The following NCOA1 variants were observed in gnomAD, a reference collection of about 807,000 sequenced individuals.
NCOA1 encodes nuclear receptor coactivator 1.
NCOA1 carries 35 observed loss-of-function variants against 150.9 expected under a neutral mutation model. The observed-to-expected ratio is 0.23, with a 90% CI of 0.18 to 0.31. NCOA1 has a LOEUF of 0.31. Ranked by LOEUF, NCOA1 falls within the 10% of genes least tolerant of loss-of-function variation. The pLI is 1.00. For synonymous variants in NCOA1, 590 were observed against 630.0 expected (o/e 0.94, Z 0.95); for missense variants, 1,491 against 1,749.3 (o/e 0.85, Z 2.63).
intron 7 of NCOA1, among the ~76,000 whole-genome samples, chr2:24,676,636 C>T (rs1351473618): frequency 1.3e-5 from 2 of 152,104 alleles, no homozygotes; most frequent in African/African-American, 2.4e-5. Flanking sequence ...TGAAATGACT[C>T]AAATGACAGA....
intron 3 of NCOA1, among the ~76,000 whole-genome samples, chr2:24,629,813 C>CATGCATAT (rs1396224101): frequency 4.3e-4 from 33 of 77,340 alleles, no homozygotes; most frequent in Middle Eastern, 9.4e-3. Context: ...AAGTAACATA[C>CATGCATAT]ATACATATAT....
chr2:24,681,904 C>CG (rs1282271068), intron 7 of NCOA1, among the ~76,000 whole-genome samples: 2 of 151,978 alleles, frequency 1.3e-5, no homozygotes, highest in African/African-American at 4.8e-5. Flanking sequence ...TTAGTAGAGA[C>CG]GGGGTTTCAC....
intron 1 of NCOA1, among the ~76,000 whole-genome samples, chr2:24,499,186 A>G (rs375915661): frequency 2.6e-5 from 4 of 152,240 alleles, no homozygotes; most frequent in African/African-American, 9.6e-5. Context: ...TGATGTTTCT[A>G]TACTCCCTTT....
At chr2:24,585,763 A>C (rs1173605382) in intron 3 of NCOA1, among the ~76,000 whole-genome samples, 4 of 152,102 alleles carry the variant, frequency 2.6e-5, no homozygotes, top group Non-Finnish European at 5.9e-5. Context: ...ATATACACGT[A>C]TATTTCTTTG....
At chr2:24,675,029 C>T (rs901092645) in intron 7 of NCOA1, among the ~76,000 whole-genome samples, 5 of 152,178 alleles carry the variant, frequency 3.3e-5, no homozygotes, top group Non-Finnish European at 7.3e-5. Context: ...TTTCTCTACC[C>T]CTCTGGTTAC....
chr2:24,589,122 A>G (rs895829106), intron 3 of NCOA1, among the ~76,000 whole-genome samples: 2 of 152,046 alleles, frequency 1.3e-5, no homozygotes, highest in Non-Finnish European at 2.9e-5. Context: ...GGCTTGTGTG[A>G]CCTTGTAGTG....
intron 3 of NCOA1, among the ~76,000 whole-genome samples, chr2:24,585,953 A>T (rs372938010): frequency 2.0e-5 from 3 of 152,216 alleles, no homozygotes; most frequent in Admixed American, 6.5e-5. Context: ...CATATGAAGG[A>T]TTTTTAATTA....
chr2:24,751,579 T>C (rs1664243532), intron 19 of NCOA1, among the ~76,000 whole-genome samples: 1 of 146,890 alleles, frequency 6.8e-6, no homozygotes, highest in African/African-American at 2.6e-5. Flanking sequence ...CAAGACTCCA[T>C]CTCGGGGGAA....
intron 3 of NCOA1, among the ~76,000 whole-genome samples, chr2:24,612,751 C>G (rs1353117863): frequency 1.3e-5 from 2 of 152,074 alleles, no homozygotes; most frequent in Non-Finnish European, 2.9e-5. Context: ...TGATTGACTT[C>G]TTTTTAAAGT....
chr2:24,587,218 C>T (rs1446443498), intron 3 of NCOA1, among the ~76,000 whole-genome samples: 2 of 152,058 alleles, frequency 1.3e-5, no homozygotes, highest in Admixed American at 6.6e-5. Flanking sequence ...GGAGTTTTGC[C>T]ATGTGTGTCT....
chr2:24,706,463 G>A (rs1673435668), intron 12 of NCOA1, 105 bp from the exon 13 acceptor site: 1 of 1,262,922 alleles, frequency 7.9e-7, no homozygotes. Context: ...TTGATAGCTT[G>A]CAATATTAAT....
intron 3 of NCOA1, among the ~76,000 whole-genome samples, chr2:24,604,962 G>T (rs1191381136): frequency 6.6e-6 from 1 of 152,126 alleles, no homozygotes; most frequent in African/African-American, 2.4e-5. Flanking sequence ...AAAGGCTATT[G>T]TAGGGTTATT....
intron 8 of NCOA1, 33 bp downstream of exon 8, chr2:24,683,161 A>G: frequency 7.1e-7 from 1 of 1,407,260 alleles, no homozygotes. Flanking sequence ...AAAGAATACT[A>G]GCTCTCTGTA....
intron 3 of NCOA1, among the ~76,000 whole-genome samples, chr2:24,625,364 C>CAA (rs35143423): frequency 3.2e-3 from 260 of 82,112 alleles, no homozygotes; most frequent in East Asian, 7.5e-3. Context: ...GACTCTGCCT[C>CAA]AAAAAAAAAA....
chr2:24,657,056 A>C (rs962118609), intron 4 of NCOA1, among the ~76,000 whole-genome samples: 1 of 152,220 alleles, frequency 6.6e-6, no homozygotes, highest in Admixed American at 6.5e-5. Context: ...GCTCTTTTCC[A>C]AATGGCTACG....
intron 2 of NCOA1, among the ~76,000 whole-genome samples, chr2:24,568,254 C>T (rs575561766): frequency 7.9e-5 from 12 of 152,072 alleles, no homozygotes; most frequent in African/African-American, 2.9e-4. Context: ...ATACTTGAGA[C>T]GGGAAGTTAA....
chr2:24,680,921 TC>T (rs778910181), intron 7 of NCOA1, among the ~76,000 whole-genome samples: 20 of 152,124 alleles, frequency 1.3e-4, no homozygotes, highest in Non-Finnish European at 1.2e-4. Context: ...GAAAAGTATA[TC>T]ATTGGATGTG....
At chr2:24,589,543 C>A (rs1008647247) in intron 3 of NCOA1, among the ~76,000 whole-genome samples, 1 of 152,108 alleles carries the variant, frequency 6.6e-6, no homozygotes, top group Non-Finnish European at 1.5e-5. Context: ...CATTCCTTCT[C>A]AATCTTCCTG....
In NCOA1 at chr2:24,549,590, A is replaced by G. The variant is rs1665742922; in HGVS notation, c.-395-14705A>G. 2.0e-5 allele frequency among the ~76,000 whole-genome samples: 3 copies of G among 152,106 alleles called. No individual in the cohort carries two copies. The South Asian group carries it at 6.2e-4, about 32-fold the overall frequency. The stretch of plus-strand genomic sequence containing the variant: ...CTCTATTTCCCTTTTCTTTTAAGAC[A>G]GAGTCTCACTCTGTCACCCAGGCTG... On this transcript the variant is annotated intron_variant, in intron 1 of 22. Coordinates refer to ENST00000348332, the MANE Select transcript of NCOA1 (RefSeq NM_003743.5).
Sources: allele counts gnomAD v4.1 joint callset (sites outside exome capture counted in the v4.1 genomes callset), GRCh38; gene constraint gnomAD v4.1.1; transcripts MANE v1.5; gene names NCBI Gene and HGNC (gene_info 2026-07-23, HGNC 2026-07-21).